Variants in FRMPD4 observed in about 807,000 individuals in gnomAD.
FRMPD4 encodes the protein FERM and PDZ domain containing 4.
In FRMPD4, 22 loss-of-function variants were observed where a neutral mutation model predicts 94.1. That is an observed-to-expected ratio of 0.23 (90% CI 0.17 to 0.33). The LOEUF (loss-of-function observed/expected upper bound fraction) is 0.33. Ranked by LOEUF, FRMPD4 falls within the 10% of genes least tolerant of loss-of-function variation. The pLI is 1.00. For synonymous variants in FRMPD4, 631 were observed against 548.6 expected, an observed-to-expected ratio of 1.15 and a Z score of -2.10; for missense variants, 1,111 against 1,339.9, an observed-to-expected ratio of 0.83 and a Z score of 2.67.
chrX:12,160,245 A>G, intron 1 of FRMPD4, among the ~76,000 whole-genome samples: 1 of 111,705 alleles, frequency 9.0e-6, no homozygotes, highest in Middle Eastern at 4.6e-3. Context: ...CTAATGTATT[A>G]ATTCAATTGA....
intron 1 of FRMPD4, among the ~76,000 whole-genome samples, chrX:11,824,410 C>T (rs2053429029): frequency 1.8e-5 from 2 of 111,772 alleles, no homozygotes; most frequent in South Asian, 7.5e-4. Flanking sequence ...ATTTCATAAC[C>T]TTGGCCATTG....
chrX:12,062,726 A>G (rs1281512110), intron 3 of FRMPD4, among the ~76,000 whole-genome samples: 1 of 111,106 alleles, frequency 9.0e-6, no homozygotes, highest in Admixed American at 9.6e-5. Context: ...TTCTAATTAT[A>G]TTTTCTAACT....
At chrX:11,998,781 C>T (rs2054509682) in intron 3 of FRMPD4, among the ~76,000 whole-genome samples, 1 of 111,687 alleles carries the variant, frequency 9.0e-6, no homozygotes, top group East Asian at 2.8e-4. Flanking sequence ...TGTAACCTAC[C>T]TCCAAAATTT....
intron 3 of FRMPD4, among the ~76,000 whole-genome samples, chrX:11,885,281 G>A (rs1164225786): frequency 3.6e-5 from 4 of 111,548 alleles, no homozygotes; most frequent in Non-Finnish European, 5.7e-5. Context: ...GTCACAAAAA[G>A]ACAAAGTGCT....
intron 1 of FRMPD4, among the ~76,000 whole-genome samples, chrX:12,285,097 G>T (rs1272973413): frequency 1.8e-5 from 2 of 111,478 alleles, no homozygotes; most frequent in Non-Finnish European, 3.8e-5. Context: ...AATTTGATCA[G>T]GTTTCTACCT....
chrX:12,688,184 A>G (rs1205367069), intron 7 of FRMPD4, among the ~76,000 whole-genome samples: 1 of 111,983 alleles, frequency 8.9e-6, no homozygotes, highest in Non-Finnish European at 1.9e-5. Context: ...TAACCTACAG[A>G]GCTACATTAT....
chrX:12,518,862 A>G (rs2058131685), intron 2 of FRMPD4, among the ~76,000 whole-genome samples: 1 of 112,260 alleles, frequency 8.9e-6, no homozygotes, highest in Non-Finnish European at 1.9e-5. Context: ...GCTAAAACAA[A>G]TTCAGCAAAG....
rs186111618 is a variant in FRMPD4, at chrX:12,694,470, G to A, written c.933+16G>A. On this transcript the variant is annotated intron_variant, in intron 9 of 16. Coordinates refer to ENST00000675598, the MANE Select transcript of FRMPD4 (RefSeq NM_001368397.1). ...CTATGTTCAGGTATGTTAAAATTTT[G>A]GCATGTTTTATATCAATGTTGTGAT... is the stretch of plus-strand genomic sequence containing the variant. 5.3e-5 allele frequency: 62 copies of A among 1,171,068 alleles called. No homozygotes were observed. In the East Asian group the frequency reaches 1.6e-3, roughly 31 times the overall value.
intron 1 of FRMPD4, among the ~76,000 whole-genome samples, chrX:11,831,136 G>A (rs887285693): frequency 2.7e-5 from 3 of 109,538 alleles, no homozygotes; most frequent in Non-Finnish European, 5.7e-5. Flanking sequence ...TGGCTTGTGG[G>A]GAGCCAGATT....
chrX:12,666,286 C>T (rs1286877121), intron 4 of FRMPD4, among the ~76,000 whole-genome samples: 1 of 111,393 alleles, frequency 9.0e-6, no homozygotes, highest in Admixed American at 9.5e-5. Flanking sequence ...GAAGCAGGTT[C>T]TTAGAGACCT....
chrX:12,433,429 C>T (rs760964616), intron 1 of FRMPD4, among the ~76,000 whole-genome samples: 2 of 111,980 alleles, frequency 1.8e-5, no homozygotes, highest in Non-Finnish European at 3.8e-5. Flanking sequence ...ACAGTTCCAT[C>T]TTCTGAGTTA....
At chrX:12,004,122 G>C (rs1234001965) in intron 3 of FRMPD4, among the ~76,000 whole-genome samples, 1 of 111,706 alleles carries the variant, frequency 9.0e-6, no homozygotes, top group Non-Finnish European at 1.9e-5. Context: ...CAATTGATTT[G>C]AGCCTGAACA....
intron 1 of FRMPD4, among the ~76,000 whole-genome samples, chrX:12,306,066 C>T (rs1255131803): frequency 2.1e-5 from 2 of 93,426 alleles, no homozygotes; most frequent in Non-Finnish European, 4.1e-5. Flanking sequence ...ATTTTAAAAA[C>T]TTATGCTGTG....
At chrX:12,609,354 G>T (rs1196292577) in intron 2 of FRMPD4, among the ~76,000 whole-genome samples, 1 of 111,750 alleles carries the variant, frequency 8.9e-6, no homozygotes, top group East Asian at 2.8e-4. Flanking sequence ...TAGTGCTGTG[G>T]GGAACAAAGA....
intron 3 of FRMPD4, among the ~76,000 whole-genome samples, chrX:11,895,866 T>C (rs1226559745): frequency 1.8e-5 from 2 of 112,496 alleles, no homozygotes; most frequent in Non-Finnish European, 3.8e-5. Context: ...GACATAGTTG[T>C]ATAAGCACCC....
At chrX:11,917,439 T>C (rs2054030647) in intron 3 of FRMPD4, among the ~76,000 whole-genome samples, 1 of 112,082 alleles carries the variant, frequency 8.9e-6, no homozygotes, top group South Asian at 3.7e-4. Context: ...ACACCTGTGC[T>C]TGTATGTTCA....
intron 2 of FRMPD4, among the ~76,000 whole-genome samples, chrX:12,571,017 T>A (rs1432690746): frequency 8.9e-6 from 1 of 112,655 alleles, no homozygotes; most frequent in Non-Finnish European, 1.9e-5. Context: ...AAAAGGGGAT[T>A]ACCATAAATA....
intron 3 of FRMPD4, among the ~76,000 whole-genome samples, chrX:11,907,613 A>G (rs1433352240): frequency 9.0e-6 from 1 of 111,338 alleles, no homozygotes; most frequent in Admixed American, 9.5e-5. Context: ...TCCCTTTTAT[A>G]AGGGCACCAA....
intron 1 of FRMPD4, among the ~76,000 whole-genome samples, chrX:12,298,130 C>T (rs1160776611): frequency 9.0e-6 from 1 of 111,687 alleles, no homozygotes; most frequent in Non-Finnish European, 1.9e-5. Context: ...TTAAAAGTAA[C>T]CAGGTTTTTT....
Sources: gnomAD v4.1 joint callset for allele counts (sites outside exome capture counted in the v4.1 genomes callset) on GRCh38, gnomAD v4.1.1 for gene constraint, MANE v1.5 for transcripts, NCBI Gene and HGNC (gene_info 2026-07-23, HGNC 2026-07-21) for gene names.